The following NRXN3 variants were observed in gnomAD, a reference collection of about 807,000 sequenced individuals.
NRXN3 encodes the protein neurexin 3.
NRXN3 carries 32 observed loss-of-function variants against 137.6 expected under a neutral mutation model. The ratio of observed to expected loss-of-function variants is 0.23; its 90% CI spans 0.18 to 0.31. The LOEUF is 0.31. Among genes scored for constraint, NRXN3 ranks in the 10% least tolerant of loss-of-function variants. NRXN3 has a pLI of 1.00. For synonymous variants in NRXN3, 798 were observed against 784.5 expected, an observed-to-expected ratio of 1.02 and a Z score of -0.29; for missense variants, 1,574 against 2,062.5, an observed-to-expected ratio of 0.76 and a Z score of 4.59.
intron 15 of NRXN3, among the ~76,000 whole-genome samples, chr14:79,327,579 T>C (rs989171649): frequency 1.3e-5 from 2 of 152,158 alleles, no homozygotes; most frequent in Non-Finnish European, 2.9e-5. Flanking sequence ...TTTCCTCCTC[T>C]TGTGCTGTTC....
chr14:78,592,451 G>T (rs2097125610), intron 4 of NRXN3, among the ~76,000 whole-genome samples: 1 of 152,180 alleles, frequency 6.6e-6, no homozygotes, highest in Non-Finnish European at 1.5e-5. Flanking sequence ...CAGGCATGCA[G>T]AATATTACAT....
chr14:78,443,678 G>A (rs1214128075), intron 4 of NRXN3, among the ~76,000 whole-genome samples: 4 of 152,130 alleles, frequency 2.6e-5, no homozygotes, highest in Non-Finnish European at 5.9e-5. Flanking sequence ...ATTGGTTTGA[G>A]TTATTTAACC....
intron 4 of NRXN3, among the ~76,000 whole-genome samples, chr14:78,568,594 A>G (rs555148941): frequency 2.2e-4 from 34 of 152,354 alleles, no homozygotes; most frequent in African/African-American, 7.5e-4. Flanking sequence ...TCCCTACAAC[A>G]GTATTGATTT....
intron 19 of NRXN3, among the ~76,000 whole-genome samples, chr14:79,725,258 A>C (rs994740117): frequency 8.5e-5 from 13 of 152,280 alleles, no homozygotes; most frequent in African/African-American, 2.6e-4. Flanking sequence ...AGATTGATAC[A>C]TGTCTGACAA....
At chr14:79,036,016 T>A (rs1448924757) in intron 15 of NRXN3, among the ~76,000 whole-genome samples, 1 of 152,102 alleles carries the variant, frequency 6.6e-6, no homozygotes, top group Non-Finnish European at 1.5e-5. Context: ...CATTATATCA[T>A]TCATCTTGAT....
At chr14:79,721,312 G>C (rs1167650013) in intron 19 of NRXN3, among the ~76,000 whole-genome samples, 2 of 152,052 alleles carry the variant, frequency 1.3e-5, no homozygotes, top group Non-Finnish European at 2.9e-5. Context: ...TTATGCTTTA[G>C]GATAGAAAAG....
chr14:78,920,477 CTG>C (rs1469169635), intron 10 of NRXN3, among the ~76,000 whole-genome samples: 1 of 152,176 alleles, frequency 6.6e-6, no homozygotes, highest in African/African-American at 2.4e-5. Context: ...GCATTGAACA[CTG>C]TATTTCTTTT....
intron 15 of NRXN3, among the ~76,000 whole-genome samples, chr14:79,247,903 A>C (rs935946933): frequency 6.6e-6 from 1 of 152,130 alleles, no homozygotes; most frequent in Non-Finnish European, 1.5e-5. Context: ...AATTAAAAAA[A>C]AAACACTCTA....
chr14:79,147,758 G>A (rs1046995253), intron 15 of NRXN3, among the ~76,000 whole-genome samples: 1 of 152,088 alleles, frequency 6.6e-6, no homozygotes, highest in Admixed American at 6.6e-5. Flanking sequence ...ATGGATGCAG[G>A]CAGCAAGGCA....
chr14:78,551,780 A>G (rs1202132938), intron 4 of NRXN3, among the ~76,000 whole-genome samples: 1 of 143,324 alleles, frequency 7.0e-6, no homozygotes, highest in African/African-American at 2.6e-5. Context: ...TCCCCACTCT[A>G]CTTCCCCCCA....
intron 4 of NRXN3, among the ~76,000 whole-genome samples, chr14:78,324,783 A>AG (rs533349426): frequency 6.6e-6 from 1 of 152,026 alleles, no homozygotes; most frequent in Admixed American, 6.5e-5. Context: ...CAAGCTGGCC[A>AG]GGGGGGAAGC....
rs2099417045 is a variant in NRXN3, at chr14:78,966,199, G to A, written c.2570G>A (p.Cys857Tyr). ...TGCAAAAATGGTGACATTGATTATT[G>A]TGAGCTGAAGGCTCGTTTTGGACTG... ...DLCKNGDIDY[C>Y]ELKARFGLRN... The change falls in exon 12 of 21, where the codon TGT (cysteine) becomes TAT (tyrosine). Residue 857 changes from cysteine to tyrosine, a missense_variant. By Grantham distance (194) the Cys-to-Tyr change is radical. Around this residue, in one of 5 missense-constraint regions of NRXN3, gnomAD observed 718 missense variants for 887.6 expected, o/e 0.81. Coordinates refer to ENST00000335750, the MANE Select transcript of NRXN3 (RefSeq NM_001330195.2). 4.3e-6 allele frequency: 7 copies of A among 1,613,984 alleles called. No individual in the cohort carries two copies. Among genetic ancestry groups the A allele is most frequent in the Non-Finnish European group, 5.9e-6 (7 of 1,180,036 alleles).
intron 15 of NRXN3, among the ~76,000 whole-genome samples, chr14:79,050,898 A>G (rs1448395877): frequency 1.3e-5 from 2 of 152,232 alleles, no homozygotes; most frequent in African/African-American, 2.4e-5. Context: ...ATAATATGAT[A>G]CAAATTCTCT....
chr14:78,641,087 AT>A (rs2097623542), intron 4 of NRXN3, among the ~76,000 whole-genome samples: 1 of 152,164 alleles, frequency 6.6e-6, no homozygotes, highest in African/African-American at 2.4e-5. Context: ...TAAAAAACAG[AT>A]TTTTGGGTGC....
At chr14:79,046,700 T>C (rs537090478) in intron 15 of NRXN3, among the ~76,000 whole-genome samples, 5 of 152,278 alleles carry the variant, frequency 3.3e-5, no homozygotes, top group African/African-American at 1.2e-4. Flanking sequence ...CTCTCTAAGG[T>C]TAAATATCCT....
intron 15 of NRXN3, among the ~76,000 whole-genome samples, chr14:79,090,350 C>T (rs1374142718): frequency 6.6e-6 from 1 of 152,022 alleles, no homozygotes; most frequent in African/African-American, 2.4e-5. Context: ...TCTTCCTTTC[C>T]CTTTTAGAGA....
At chr14:79,820,132 C>T (rs2099266968) in intron 20 of NRXN3, among the ~76,000 whole-genome samples, 1 of 152,166 alleles carries the variant, frequency 6.6e-6, no homozygotes, top group Admixed American at 6.5e-5. Context: ...ATTTCACAAC[C>T]TGCTGAGAGC....
Position 79,651,167 on chromosome 14 carries a change from T to C in NRXN3, c.3445-12611T>C, listed in dbSNP as rs772017723. ...GGTTGAAGCCCTTGGTAATGAACAC[T>C]AAGCCTTTCACCTCCCGGTCCACAG... On this transcript the variant is annotated intron_variant, in intron 16 of 20. Coordinates refer to ENST00000335750, the MANE Select transcript of NRXN3 (RefSeq NM_001330195.2). 2.0e-5 allele frequency among the ~76,000 whole-genome samples: 3 copies of C among 152,120 alleles called. No individual in the cohort carries two copies. In the South Asian group the frequency reaches 6.2e-4, roughly 32 times the overall value.
At chr14:78,531,551 T>C (rs1381104078) in intron 4 of NRXN3, among the ~76,000 whole-genome samples, 1 of 152,224 alleles carries the variant, frequency 6.6e-6, no homozygotes, top group African/African-American at 2.4e-5. Flanking sequence ...AAAGGGCTCA[T>C]GATAGAGCTC....
Sources: allele counts gnomAD v4.1 joint callset (sites outside exome capture counted in the v4.1 genomes callset), GRCh38; gene constraint gnomAD v4.1.1; regional missense constraint gnomAD v4.1.1; transcripts MANE v1.5; gene names NCBI Gene and HGNC (gene_info 2026-07-23, HGNC 2026-07-21).